Variants in ZNF804A observed in about 807,000 individuals in gnomAD.
ZNF804A encodes the protein zinc finger protein 804A.
Under a neutral mutation model 16.5 loss-of-function variants are expected in ZNF804A, and 2 were observed. The ratio of observed to expected loss-of-function variants is 0.12; its 90% CI spans 0.05 to 0.38. The LOEUF (loss-of-function observed/expected upper bound fraction) is 0.38. Ranked by LOEUF, ZNF804A falls within the 10% of genes least tolerant of loss-of-function variation. ZNF804A has a pLI of 0.99. For synonymous variants in ZNF804A, 534 were observed against 489.6 expected, an observed-to-expected ratio of 1.09 and a Z score of -1.20; for missense variants, 1,473 against 1,390.7, an observed-to-expected ratio of 1.06 and a Z score of -0.94.
chr2:184,937,822 A>T lies in ZNF804A; in HGVS notation c.2426A>T (p.Lys809Ile). The T allele has an allele frequency of 6.2e-7, 1 of 1,614,130 alleles. No individual in the cohort carries two copies. Among genetic ancestry groups the T allele is most frequent in the Non-Finnish European group, 8.5e-7 (1 of 1,179,994 alleles). ...PSTSVAPCKP[K>I]KKRRRKRGRF... ...ACTTCAGTTGCTCCCTGCAAGCCTA[A>T]AAAGAAACGGAGGCGAAAAAGAGGC... is the stretch of plus-strand genomic sequence containing the variant. The change falls in exon 4 of 4, where the codon AAA (lysine) becomes ATA (isoleucine). Residue 809 changes from lysine (K) to isoleucine (I), a missense_variant. Transcript: ENST00000302277.
intron 1 of ZNF804A, among the ~76,000 whole-genome samples, chr2:184,784,152 T>C (rs906598603): frequency 6.6e-6 from 1 of 151,808 alleles, no homozygotes; most frequent in African/African-American, 2.4e-5. Flanking sequence ...ATGTTTTAGG[T>C]GGGGCTCAAT....
chr2:184,708,567 CG>C (rs1301690109), intron 1 of ZNF804A, among the ~76,000 whole-genome samples: 2 of 152,040 alleles, frequency 1.3e-5, no homozygotes, highest in Non-Finnish European at 1.5e-5. Flanking sequence ...ATTCAACAAA[CG>C]GTGCTGGGAT....
intron 2 of ZNF804A, among the ~76,000 whole-genome samples, chr2:184,915,547 C>T (rs967497607): frequency 6.6e-6 from 1 of 152,074 alleles, no homozygotes; most frequent in Admixed American, 6.6e-5. Context: ...CACTGCCATC[C>T]TATGTGAATT....
chr2:184,637,978 A>C (rs1423609393), intron 1 of ZNF804A, among the ~76,000 whole-genome samples: 1 of 152,152 alleles, frequency 6.6e-6, no homozygotes, highest in Non-Finnish European at 1.5e-5. Flanking sequence ...AGTAATGGTC[A>C]GGTATATTCT....
intron 1 of ZNF804A, among the ~76,000 whole-genome samples, chr2:184,714,473 A>T (rs1338115680): frequency 2.0e-5 from 3 of 152,108 alleles, no homozygotes; most frequent in Non-Finnish European, 4.4e-5. Flanking sequence ...TTTGTTCAGT[A>T]AAAAGCTGGC....
chr2:184,743,449 T>G (rs1476861684), intron 1 of ZNF804A, among the ~76,000 whole-genome samples: 1 of 151,990 alleles, frequency 6.6e-6, no homozygotes, highest in Non-Finnish European at 1.5e-5. Context: ...TTTGGGGAGC[T>G]TTCCAAGTAA....
chr2:184,855,376 G>C (rs534853488), intron 1 of ZNF804A, among the ~76,000 whole-genome samples: 3 of 151,880 alleles, frequency 2.0e-5, no homozygotes, highest in Non-Finnish European at 4.4e-5. Context: ...AATGGCTTGC[G>C]CTTACTGCTG....
At chr2:184,903,590 G>T (rs868337883) in intron 2 of ZNF804A, among the ~76,000 whole-genome samples, 12 of 152,160 alleles carry the variant, frequency 7.9e-5, no homozygotes, top group Non-Finnish European at 1.6e-4. Flanking sequence ...GCACATGACT[G>T]TAGTATAAGA....
At chr2:184,759,449 A>G (rs905621826) in intron 1 of ZNF804A, among the ~76,000 whole-genome samples, 2 of 151,854 alleles carry the variant, frequency 1.3e-5, no homozygotes, top group African/African-American at 4.8e-5. Context: ...TAAATTGCAT[A>G]CCACCTTTGC....
intron 1 of ZNF804A, among the ~76,000 whole-genome samples, chr2:184,735,846 T>C (rs1235037127): frequency 6.6e-6 from 1 of 152,154 alleles, no homozygotes; most frequent in Non-Finnish European, 1.5e-5. Flanking sequence ...GAACTAAGCA[T>C]GTAGAAGTTT....
At chr2:184,810,880 G>A (rs1351029573) in intron 1 of ZNF804A, among the ~76,000 whole-genome samples, 3 of 152,090 alleles carry the variant, frequency 2.0e-5, no homozygotes, top group East Asian at 3.9e-4. Context: ...TAGAAATAGT[G>A]TTTAAATGAA....
At chr2:184,780,329 C>A (rs977880666) in intron 1 of ZNF804A, among the ~76,000 whole-genome samples, 1 of 151,718 alleles carries the variant, frequency 6.6e-6, no homozygotes, top group African/African-American at 2.4e-5. Context: ...GGGTTTAATT[C>A]TTAGTGAAAC....
chr2:184,881,899 A>G (rs929919447), intron 2 of ZNF804A, among the ~76,000 whole-genome samples: 3 of 152,044 alleles, frequency 2.0e-5, no homozygotes, highest in African/African-American at 7.2e-5. Context: ...CTATATAATA[A>G]CATCTGACAA....
At chr2:184,859,674 C>T (rs1382554088) in intron 1 of ZNF804A, among the ~76,000 whole-genome samples, 1 of 152,126 alleles carries the variant, frequency 6.6e-6, no homozygotes, top group African/African-American at 2.4e-5. Flanking sequence ...TTTCATGGTT[C>T]TTATTGCCTT....
chr2:184,924,491 C>T (rs1418642439), intron 2 of ZNF804A, among the ~76,000 whole-genome samples: 1 of 151,028 alleles, frequency 6.6e-6, no homozygotes, highest in Non-Finnish European at 1.5e-5. Flanking sequence ...TTTTGTTTAA[C>T]TTTTTAAAAA....
intron 1 of ZNF804A, among the ~76,000 whole-genome samples, chr2:184,676,424 A>G (rs1352455943): frequency 5.3e-5 from 8 of 151,626 alleles, no homozygotes; most frequent in Admixed American, 5.3e-4. Flanking sequence ...GTATATTTGT[A>G]AAAAATAGTT....
intron 1 of ZNF804A, among the ~76,000 whole-genome samples, chr2:184,775,760 C>T (rs1694276347): frequency 6.6e-6 from 1 of 151,522 alleles, no homozygotes; most frequent in Admixed American, 6.6e-5. Flanking sequence ...CAAGCACTTC[C>T]TAGACATGAA....
chr2:184,927,546 C>T (rs1685630093), intron 2 of ZNF804A, among the ~76,000 whole-genome samples: 1 of 152,182 alleles, frequency 6.6e-6, no homozygotes, highest in Non-Finnish European at 1.5e-5. Flanking sequence ...TGGCTGGTGT[C>T]CTATGTCCTT....
At chr2:184,737,675 A>G (rs905419889) in intron 1 of ZNF804A, among the ~76,000 whole-genome samples, 2 of 152,146 alleles carry the variant, frequency 1.3e-5, no homozygotes, top group Non-Finnish European at 2.9e-5. Context: ...CATGAGAACT[A>G]AGGTGTTATA....
Sources: allele counts gnomAD v4.1 joint callset (sites outside exome capture counted in the v4.1 genomes callset), GRCh38; gene constraint gnomAD v4.1.1; transcripts MANE v1.5; gene names NCBI Gene and HGNC (gene_info 2026-07-23, HGNC 2026-07-21).